Variants in NALF1 observed in about 807,000 individuals in gnomAD.
The protein encoded by NALF1 is family with sequence similarity 155 member A.
NALF1 carries 3 observed loss-of-function variants against 48.4 expected under a neutral mutation model. That is an observed-to-expected ratio of 0.06 (90% confidence interval 0.03 to 0.16). The LOEUF is 0.16. NALF1 is among the 10% of genes least tolerant of loss of function. The probability of loss-of-function intolerance (pLI) is 1.00; values close to 1 mark genes in which losing one functional copy is unlikely to be tolerated. For missense variants in NALF1, 526 were observed against 571.5 expected, an observed-to-expected ratio of 0.92 and a Z score of 0.81; for synonymous variants, 262 against 245.7, an observed-to-expected ratio of 1.07 and a Z score of -0.62.
At chr13:107,292,992 C>CTTTTTCTTTTTTTTTTTTTTTT (rs745529749) in intron 1 of NALF1, among the ~76,000 whole-genome samples, 53 of 110,656 alleles carry the variant, frequency 4.8e-4, no homozygotes, top group East Asian at 8.5e-4. Context: ...TTTTCTTTTT[C>CTTTTTCTTTTTTTTTTTTTTTT]TTTTTTTTTT....
chr13:107,327,726 A>G (rs886973451), intron 1 of NALF1, among the ~76,000 whole-genome samples: 1 of 152,132 alleles, frequency 6.6e-6, no homozygotes, highest in African/African-American at 2.4e-5. Flanking sequence ...TTGCAATACC[A>G]GCATTCAAAT....
intron 1 of NALF1, among the ~76,000 whole-genome samples, chr13:107,812,064 A>G (rs1879011642): frequency 6.6e-6 from 1 of 152,220 alleles, no homozygotes; most frequent in African/African-American, 2.4e-5. Flanking sequence ...GGTGGTTAGT[A>G]TTAAGGGTTT....
intron 1 of NALF1, among the ~76,000 whole-genome samples, chr13:107,668,376 G>A (rs1489360542): frequency 1.3e-5 from 2 of 151,824 alleles, no homozygotes; most frequent in Non-Finnish European, 2.9e-5. Flanking sequence ...TTTTGCTCCT[G>A]TTGTCCTGCT....
intron 1 of NALF1, among the ~76,000 whole-genome samples, chr13:107,415,680 C>G (rs1039517480): frequency 1.3e-5 from 2 of 152,142 alleles, no homozygotes; most frequent in Non-Finnish European, 2.9e-5. Flanking sequence ...ATCAGGGGGC[C>G]TCAGAGTTAT....
chr13:107,759,830 T>A (rs1877216190), intron 1 of NALF1, among the ~76,000 whole-genome samples: 1 of 152,120 alleles, frequency 6.6e-6, no homozygotes, highest in Non-Finnish European at 1.5e-5. Context: ...GAATCTGTTA[T>A]TCTTACCAAA....
At chr13:107,834,593 G>A (rs955267814) in intron 1 of NALF1, among the ~76,000 whole-genome samples, 1 of 152,086 alleles carries the variant, frequency 6.6e-6, no homozygotes, top group African/African-American at 2.4e-5. Flanking sequence ...ATGTCTAAAT[G>A]TTACCCCAGA....
chr13:107,735,589 C>G (rs1876445220), intron 1 of NALF1, among the ~76,000 whole-genome samples: 1 of 152,166 alleles, frequency 6.6e-6, no homozygotes, highest in African/African-American at 2.4e-5. Flanking sequence ...AAGAAGTAAA[C>G]AGAAATGTGA....
chr13:107,822,353 C>A (rs1879384518), intron 1 of NALF1, among the ~76,000 whole-genome samples: 1 of 151,288 alleles, frequency 6.6e-6, no homozygotes. Context: ...CCCTGTCTCC[C>A]AGGCTTGAGA....
intron 1 of NALF1, among the ~76,000 whole-genome samples, chr13:107,786,593 G>A (rs913290382): frequency 2.0e-5 from 3 of 151,534 alleles, no homozygotes; most frequent in Non-Finnish European, 2.9e-5. Context: ...TTAGCTGGGC[G>A]TGGTGGCGGG....
At chr13:107,672,517 A>AT (rs1289170314) in intron 1 of NALF1, among the ~76,000 whole-genome samples, 1 of 152,088 alleles carries the variant, frequency 6.6e-6, no homozygotes, top group Non-Finnish European at 1.5e-5. Context: ...AAGAAAACTG[A>AT]TATCAGAGAA....
chr13:107,588,996 T>C (rs1295771893), intron 1 of NALF1, among the ~76,000 whole-genome samples: 1 of 152,096 alleles, frequency 6.6e-6, no homozygotes, highest in Non-Finnish European at 1.5e-5. Context: ...CCATTTTAAT[T>C]GAAAGTTAGC....
intron 1 of NALF1, among the ~76,000 whole-genome samples, chr13:107,591,796 T>C (rs1435968272): frequency 6.6e-6 from 1 of 152,046 alleles, no homozygotes; most frequent in Non-Finnish European, 1.5e-5. Context: ...AAATAATTTC[T>C]AAAAATTAAA....
At chr13:107,185,689 C>T (rs1254627709) in intron 2 of NALF1, among the ~76,000 whole-genome samples, 2 of 151,982 alleles carry the variant, frequency 1.3e-5, no homozygotes, top group East Asian at 1.9e-4. Context: ...ATAAACTTTC[C>T]ACCATGTATA....
intron 1 of NALF1, among the ~76,000 whole-genome samples, chr13:107,463,392 A>T (rs1884950767): frequency 6.6e-6 from 1 of 152,208 alleles, no homozygotes; most frequent in African/African-American, 2.4e-5. Context: ...CCTGTTAAGT[A>T]AATTGCCAAT....
chr13:107,430,156 G>A (rs1041768593), intron 1 of NALF1, among the ~76,000 whole-genome samples: 1 of 151,966 alleles, frequency 6.6e-6, no homozygotes, highest in African/African-American at 2.4e-5. Context: ...CCAAACATCC[G>A]AATACATTTA....
chr13:107,693,430 C>A (rs1357628294), intron 1 of NALF1, among the ~76,000 whole-genome samples: 1 of 151,884 alleles, frequency 6.6e-6, no homozygotes, highest in Non-Finnish European at 1.5e-5. Flanking sequence ...ATGTAACAAA[C>A]CTGCATGTTG....
chr13:107,690,492 T>C (rs1881541891), intron 1 of NALF1, among the ~76,000 whole-genome samples: 1 of 152,186 alleles, frequency 6.6e-6, no homozygotes, highest in Non-Finnish European at 1.5e-5. Context: ...GGTTTTTGCA[T>C]TGTCTCCTGG....
At chr13:107,347,069 T>C (rs1393724399) in intron 1 of NALF1, among the ~76,000 whole-genome samples, 1 of 152,246 alleles carries the variant, frequency 6.6e-6, no homozygotes, top group Non-Finnish European at 1.5e-5. Context: ...TGGTGGATTA[T>C]ATTTATCTTC....
intron 1 of NALF1, among the ~76,000 whole-genome samples, chr13:107,455,446 C>T (rs753074997): frequency 1.3e-5 from 2 of 152,036 alleles, no homozygotes; most frequent in Admixed American, 1.3e-4. Context: ...ATCCTGTGAC[C>T]ACACCCATGT....
Sources: allele counts gnomAD v4.1 joint callset (sites outside exome capture counted in the v4.1 genomes callset), GRCh38; gene constraint gnomAD v4.1.1; transcripts MANE v1.5; gene names NCBI Gene and HGNC (gene_info 2026-07-23, HGNC 2026-07-21).